Variants in CSMD1 observed in about 807,000 individuals in gnomAD.
The protein encoded by CSMD1 is CUB and Sushi multiple domains 1.
Under a neutral mutation model 417.5 loss-of-function variants are expected in CSMD1, and 213 were observed. The ratio of observed to expected loss-of-function variants is 0.51; its 90% CI spans 0.46 to 0.57. The LOEUF is 0.57. Among genes scored for constraint, CSMD1 ranks in the 20% least tolerant of loss-of-function variants. The pLI is 0.00. For synonymous variants in CSMD1, 2,862 were observed against 1,736.8 expected, an observed-to-expected ratio of 1.65 and a Z score of -16.11; for missense variants, 6,923 against 4,529.7, an observed-to-expected ratio of 1.53 and a Z score of -15.17.
chr8:3,563,435 T>A (rs1585374456), intron 10 of CSMD1, among the ~76,000 whole-genome samples: 6 of 68,692 alleles, frequency 8.7e-5, no homozygotes, highest in Admixed American at 1.6e-4. Context: ...GGTAACGTAT[T>A]AAAAGGTAAA....
intron 26 of CSMD1, among the ~76,000 whole-genome samples, chr8:3,283,220 G>C (rs77045762): frequency 0.019 from 2,899 of 152,204 alleles, 65 homozygotes; most frequent in South Asian, 0.099. Context: ...GAACCGGGAA[G>C]TTGCAAGCAG....
chr8:4,369,853 G>A (rs186539091), intron 3 of CSMD1, among the ~76,000 whole-genome samples: 27 of 152,270 alleles, frequency 1.8e-4, no homozygotes, highest in Non-Finnish European at 3.4e-4. Context: ...GTATCTGGAA[G>A]ACAGCAGAGA....
intron 1 of CSMD1, among the ~76,000 whole-genome samples, chr8:4,975,438 C>G (rs896449804): frequency 1.3e-5 from 2 of 152,148 alleles, no homozygotes; most frequent in Non-Finnish European, 2.9e-5. Context: ...CTTTAACCTT[C>G]TAAGTATGTA....
chr8:4,235,353 G>A lies in CSMD1; in HGVS notation c.415+184600C>T, dbSNP rs1195147775. Among the ~76,000 whole-genome samples, 19 of 123,578 alleles carry A rather than the reference G, an allele frequency of 1.5e-4. No individual in the cohort carries two copies. The Middle Eastern group carries it at 0.019, about 123-fold the overall frequency. The allele number at this position is 123,578 out of a possible 152,430, so 81.1% of individuals were successfully genotyped here. ...CATTCATACTCATTAATCAAAAGAC[G>A]TGTTTTGTTTTTTTTTTGTTTGTTT... On this transcript the variant is annotated intron_variant, in intron 3 of 69. Coordinates refer to ENST00000635120, the MANE Select transcript of CSMD1 (RefSeq NM_033225.6).
chr8:4,375,118 T>G (rs940423705), intron 3 of CSMD1, among the ~76,000 whole-genome samples: 1 of 151,912 alleles, frequency 6.6e-6, no homozygotes, highest in African/African-American at 2.4e-5. Context: ...AAGAACGAAG[T>G]CAAAAATGGC....
intron 5 of CSMD1, among the ~76,000 whole-genome samples, chr8:3,971,750 T>C (rs183287541): frequency 2.0e-3 from 306 of 152,312 alleles, no homozygotes; most frequent in African/African-American, 7.1e-3. Flanking sequence ...CGATGCATTT[T>C]CTTAAATTCA....
intron 3 of CSMD1, among the ~76,000 whole-genome samples, chr8:4,237,559 G>T (rs770889117): frequency 6.7e-4 from 101 of 151,148 alleles, no homozygotes; most frequent in Middle Eastern, 3.4e-3. Context: ...TTTTGAGTTG[G>T]AGTCTTGCTC....
chr8:3,219,248 G>A lies in CSMD1; in HGVS notation c.4672+7C>T, dbSNP rs373433695. 5.1e-6 allele frequency: 8 copies of A among 1,579,458 alleles called. No homozygotes were observed. Among genetic ancestry groups the A allele is most frequent in the Middle Eastern group, 1.8e-4 (1 of 5,462 alleles). ...AATTCCCACTCAAATTCAGGCAATC[G>A]CAATACCTTTAAATTCAATGGCGAA... On this transcript the variant is annotated splice_region_variant and intron_variant, in intron 29 of 69. Transcript: ENST00000635120.
intron 41 of CSMD1, among the ~76,000 whole-genome samples, chr8:3,133,833 G>C (rs1450822030): frequency 6.6e-6 from 1 of 152,216 alleles, no homozygotes; most frequent in South Asian, 2.1e-4. Context: ...AACTGAGAAA[G>C]GGTGGCATGG....
chr8:3,275,656 C>T (rs560397511), intron 26 of CSMD1, among the ~76,000 whole-genome samples: 1 of 152,234 alleles, frequency 6.6e-6, no homozygotes, highest in African/African-American at 2.4e-5. Context: ...CTAAACTTCC[C>T]TTCTCGCTTC....
intron 3 of CSMD1, among the ~76,000 whole-genome samples, chr8:4,284,206 A>C (rs11136716): frequency 0.25 from 37,383 of 151,990 alleles, 5,310 homozygotes; most frequent in East Asian, 0.6. Flanking sequence ...TATCTCTACT[A>C]AAAATACAAA....
At chr8:4,466,180 G>C (rs1292073707) in intron 2 of CSMD1, among the ~76,000 whole-genome samples, 3 of 152,116 alleles carry the variant, frequency 2.0e-5, no homozygotes, top group African/African-American at 7.2e-5. Context: ...CTTAAGAGCT[G>C]TTTAAGATTG....
Position 4,333,479 on chromosome 8 carries a change from T to C in CSMD1, c.415+86474A>G, listed in dbSNP as rs75951641. On this transcript the variant is annotated intron_variant, in intron 3 of 69. Coordinates refer to ENST00000635120, the MANE Select transcript of CSMD1 (RefSeq NM_033225.6). ...CTCAGTTTCCTTATCTTGGAAATTATATTAGTATGATTATGTGTACAGCAC... is the reference window on the plus strand; with the variant it reads ...CTCAGTTTCCTTATCTTGGAAATTACATTAGTATGATTATGTGTACAGCAC... Among the ~76,000 whole-genome samples, 312 of 152,290 alleles carry C rather than the reference T, an allele frequency of 2.0e-3. 4 individuals are homozygous for C. In the East Asian group the frequency reaches 0.044, roughly 22 times the overall value.
intron 25 of CSMD1, among the ~76,000 whole-genome samples, chr8:3,306,781 T>C (rs1010122991): frequency 1.3e-5 from 2 of 152,246 alleles, no homozygotes; most frequent in African/African-American, 2.4e-5. Flanking sequence ...TTTTGCCTTA[T>C]GTGCTATGGT....
intron 1 of CSMD1, among the ~76,000 whole-genome samples, chr8:4,644,489 C>G (rs1308562698): frequency 6.6e-6 from 1 of 152,158 alleles, no homozygotes; most frequent in African/African-American, 2.4e-5. Context: ...TCACTGCAGC[C>G]TCCACCTCCC....
chr8:4,237,566 G>C (rs1168471053), intron 3 of CSMD1, among the ~76,000 whole-genome samples: 5 of 149,934 alleles, frequency 3.3e-5, no homozygotes, highest in Admixed American at 3.3e-4. Flanking sequence ...TTGGAGTCTT[G>C]CTCTGTCAAC....
intron 1 of CSMD1, among the ~76,000 whole-genome samples, chr8:4,922,167 G>T (rs1481212431): frequency 6.6e-6 from 1 of 151,844 alleles, no homozygotes; most frequent in Admixed American, 6.6e-5. Context: ...TTCTAGAAGG[G>T]GTGAAGTACT....
At chr8:4,115,222 A>C (rs374955867) in intron 3 of CSMD1, among the ~76,000 whole-genome samples, 71 of 152,354 alleles carry the variant, frequency 4.7e-4, no homozygotes, top group African/African-American at 1.7e-3. Flanking sequence ...AGCAGCCACC[A>C]ACATTGAGGC....
intron 1 of CSMD1, chr8:4,787,600 T>G: frequency 2.6e-6 from 4 of 1,544,224 alleles, no homozygotes; most frequent in Non-Finnish European, 3.6e-6. Flanking sequence ...TGATTCCAAT[T>G]GAATGGGTTT....
Sources: allele counts gnomAD v4.1 joint callset (sites outside exome capture counted in the v4.1 genomes callset), GRCh38; gene constraint gnomAD v4.1.1; transcripts MANE v1.5; gene names NCBI Gene and HGNC (gene_info 2026-07-23, HGNC 2026-07-21).